Variants in FEM1C observed in about 807,000 individuals in gnomAD.
The protein encoded by FEM1C is protein fem-1 homolog C.
Under a neutral mutation model 37.6 loss-of-function variants are expected in FEM1C, and 15 were observed. The ratio of observed to expected loss-of-function variants is 0.40; its 90% confidence interval spans 0.27 to 0.61. FEM1C has a LOEUF of 0.61. Among genes scored for constraint, FEM1C ranks in the 20% least tolerant of loss-of-function variants. The probability of loss-of-function intolerance (pLI) is 0.42; values close to 1 mark genes in which losing one functional copy is unlikely to be tolerated. For synonymous variants in FEM1C, 287 were observed against 272.8 expected, an observed-to-expected ratio of 1.05 and a Z score of -0.51; for missense variants, 532 against 749.7, an observed-to-expected ratio of 0.71 and a Z score of 3.39.
intron 2 of FEM1C, among the ~76,000 whole-genome samples, chr5:115,537,637 C>T (rs535940595): frequency 6.6e-6 from 1 of 152,150 alleles, no homozygotes; most frequent in East Asian, 1.9e-4. Context: ...GGAGTAACTT[C>T]ATAATTTGGG....
At chr5:115,544,025 C>T in intron 1 of FEM1C, 1 of 985,382 alleles carries the variant, frequency 1.0e-6, no homozygotes, top group Non-Finnish European at 1.2e-6. Flanking sequence ...AGGCAGGAGA[C>T]TCGGGTTCAG....
intron 2 of FEM1C, among the ~76,000 whole-genome samples, chr5:115,537,709 T>C (rs1754157277): frequency 6.6e-6 from 1 of 152,044 alleles, no homozygotes; most frequent in African/African-American, 2.4e-5. Context: ...AAAATAAATA[T>C]AGATATATTA....
chr5:115,540,035 C>T (rs746936290), intron 2 of FEM1C, among the ~76,000 whole-genome samples: 1 of 152,098 alleles, frequency 6.6e-6, no homozygotes, highest in Non-Finnish European at 1.5e-5. Flanking sequence ...GTGAATGACA[C>T]ACAAAATGTC....
rs1754284666 is a variant in FEM1C, at chr5:115,543,445, G to T, written c.49C>A (p.Arg17=). ...CTTGCCAACAATTTGGTGAGAAGCC[G>T]GAGTTTGCCATCCCGAGCTGCGTTA... ...VFNAARDGKL[R]LLTKLLASKS... Residue 17 remains arginine (R), a synonymous_variant, in exon 2 of 3, where the codon CGG becomes AGG. Transcript: ENST00000274457. 2 of 1,613,790 alleles carry T rather than the reference G, an allele frequency of 1.2e-6. No homozygotes were observed. Among genetic ancestry groups the T allele is most frequent in the South Asian group, 2.2e-5 (2 of 91,074 alleles).
chr5:115,539,719 GCT>G (rs113814246), intron 2 of FEM1C, among the ~76,000 whole-genome samples: 3 of 152,108 alleles, frequency 2.0e-5, no homozygotes, highest in African/African-American at 7.2e-5. Flanking sequence ...CAAACCATGA[GCT>G]CCTCAAGAGC....
intron 2 of FEM1C, among the ~76,000 whole-genome samples, chr5:115,540,773 A>G (rs954444754): frequency 1.3e-5 from 2 of 152,136 alleles, no homozygotes; most frequent in Non-Finnish European, 2.9e-5. Context: ...CTCCAATAAC[A>G]TAGGCTTTTA....
chr5:115,537,784 G>T (rs565206166), intron 2 of FEM1C, among the ~76,000 whole-genome samples: 1 of 152,098 alleles, frequency 6.6e-6, no homozygotes, highest in African/African-American at 2.4e-5. Context: ...GTAACCAACA[G>T]CTGAGAAGAG....
At chr5:115,533,746 A>G (rs971036638) in intron 2 of FEM1C, among the ~76,000 whole-genome samples, 1 of 151,954 alleles carries the variant, frequency 6.6e-6, no homozygotes, top group Non-Finnish European at 1.5e-5. Context: ...ATAAAACAAC[A>G]CAAAGTTCAA....
rs1415395888 is a variant in FEM1C at position 115,543,553 on chromosome 5, T to C, written c.-60A>G. On this transcript the variant is annotated 5_prime_UTR_variant, in exon 2 of 3. Coordinates refer to ENST00000274457, the MANE Select transcript of FEM1C (RefSeq NM_020177.3). ...TTTCAAAGCAGAGCTCCAGTTTAAC[T>C]CTATCGACACAGGCAAGAGTCACAG... The C allele has an allele frequency of 6.5e-7, 1 of 1,528,636 alleles. No individual in the cohort carries two copies. The highest frequency in any genetic ancestry group is 1.4e-5 in the African/African-American group (1 of 72,290). 94.7% of individuals were successfully genotyped at this position (1,528,636 alleles called of 1,614,324 possible). A position where few individuals can be genotyped will look rare whatever the true frequency, so the allele number is the denominator to read the frequency against.
intron 2 of FEM1C, among the ~76,000 whole-genome samples, chr5:115,533,522 A>G (rs377462396): frequency 1.3e-5 from 2 of 152,042 alleles, no homozygotes; most frequent in East Asian, 3.9e-4. Flanking sequence ...CATTAAAATC[A>G]TATTTTCTTT....
Position 115,543,514 on chromosome 5 carries a change from G to A in FEM1C, c.-21C>T. Reference sequence around the variant, plus strand: ...TCCATTTATGTCCAGTTGAGAGGCTGTGCTTTATTTATCTTTCAAAGCAGA... The same window carrying A: ...TCCATTTATGTCCAGTTGAGAGGCTATGCTTTATTTATCTTTCAAAGCAGA... On this transcript the variant is annotated 5_prime_UTR_variant, in exon 2 of 3. Coordinates refer to ENST00000274457, the MANE Select transcript of FEM1C (RefSeq NM_020177.3). 1.3e-6 allele frequency: 2 copies of A among 1,569,802 alleles called. No individual in the cohort carries two copies. The highest frequency in any genetic ancestry group is 1.9e-5 in the Admixed American group (1 of 53,888).
At position 115,543,857 on chromosome 5, in the gene FEM1C, G is replaced by T. The variant is rs1328109666; in HGVS notation, c.-190-174C>A. ...AAGGTGGTAAAGAAAAATACAGAAG[G>T]ATACACAGAGACCCAAATGTTCTGG... On this transcript the variant is annotated intron_variant, in intron 1 of 2. Transcript: ENST00000274457. 6.1e-6 allele frequency: 6 copies of T among 984,492 alleles called. 1 individual carries two copies. In the East Asian group the frequency reaches 6.9e-4, roughly 113 times the overall value. 61.0% of individuals were successfully genotyped at this position (984,492 alleles called of 1,614,324 possible).
At chr5:115,525,945 A>G (rs1753881575) in intron 2 of FEM1C, among the ~76,000 whole-genome samples, 2 of 152,168 alleles carry the variant, frequency 1.3e-5, no homozygotes, top group South Asian at 4.1e-4. Flanking sequence ...TCGGTAGAAT[A>G]CAAATAACCA....
intron 2 of FEM1C, among the ~76,000 whole-genome samples, chr5:115,534,646 A>G (rs1407886013): frequency 6.6e-6 from 1 of 151,986 alleles, no homozygotes; most frequent in Admixed American, 6.6e-5. Flanking sequence ...AAAAACAAAA[A>G]TGTCCTCCTA....
chr5:115,536,331 T>C (rs948191846), intron 2 of FEM1C, among the ~76,000 whole-genome samples: 1 of 152,002 alleles, frequency 6.6e-6, no homozygotes, highest in African/African-American at 2.4e-5. Context: ...TTTATTATAA[T>C]ACATTTATTT....
chr5:115,540,530 G>C (rs1388920174), intron 2 of FEM1C, among the ~76,000 whole-genome samples: 1 of 152,006 alleles, frequency 6.6e-6, no homozygotes, highest in Non-Finnish European at 1.5e-5. Flanking sequence ...TTGGCCAAAA[G>C]AGAGAACAGA....
At chr5:115,528,156 C>T (rs1297677381) in intron 2 of FEM1C, among the ~76,000 whole-genome samples, 7 of 151,974 alleles carry the variant, frequency 4.6e-5, no homozygotes, top group Admixed American at 4.6e-4. Context: ...AAGACTTTCA[C>T]ATCCAGTAAT....
chr5:115,537,790 A>T (rs1754158487), intron 2 of FEM1C, among the ~76,000 whole-genome samples: 1 of 152,044 alleles, frequency 6.6e-6, no homozygotes, highest in Non-Finnish European at 1.5e-5. Flanking sequence ...AACAGCTGAG[A>T]AGAGTTTTCA....
intron 1 of FEM1C, chr5:115,543,906 C>A (rs1384311287): frequency 1.0e-6 from 1 of 985,240 alleles, no homozygotes; most frequent in Non-Finnish European, 1.2e-6. Context: ...CCTCCATGTG[C>A]GGAAAATTTA....
Sources: allele counts gnomAD v4.1 joint callset (sites outside exome capture counted in the v4.1 genomes callset), GRCh38; gene constraint gnomAD v4.1.1; transcripts MANE v1.5; gene names NCBI Gene and HGNC (gene_info 2026-07-23, HGNC 2026-07-21).